Variants in CUBN observed in about 807,000 individuals in gnomAD.
The protein encoded by CUBN is cubilin.
Under a neutral mutation model 405.3 loss-of-function variants are expected in CUBN, and 282 were observed. The observed-to-expected ratio is 0.70, with a 90% CI of 0.63 to 0.77. CUBN has a LOEUF of 0.77. CUBN is among the 30% of genes least tolerant of loss of function. The pLI, the probability that CUBN is intolerant of heterozygous loss-of-function variation, is 0.00. For missense variants in CUBN, 4,514 were observed against 4,475.2 expected, an observed-to-expected ratio of 1.01 and a Z score of -0.25; for synonymous variants, 1,684 against 1,617.0, an observed-to-expected ratio of 1.04 and a Z score of -0.99.
chr10:17,005,897 A>G (rs562352782), intron 28 of CUBN, among the ~76,000 whole-genome samples: 2 of 152,350 alleles, frequency 1.3e-5, no homozygotes, highest in South Asian at 4.1e-4. Context: ...GTTAAAATGA[A>G]GCTGAATGGA....
chr10:16,903,578 A>G (rs1035953228), intron 51 of CUBN, among the ~76,000 whole-genome samples: 2 of 150,274 alleles, frequency 1.3e-5, no homozygotes, highest in East Asian at 3.9e-4. Flanking sequence ...AGTTACATGT[A>G]TGCAAAATTA....
intron 13 of CUBN, among the ~76,000 whole-genome samples, chr10:17,102,848 C>G (rs1385584782): frequency 6.6e-6 from 1 of 151,836 alleles, no homozygotes; most frequent in East Asian, 1.9e-4. Flanking sequence ...GAACTCCTGA[C>G]CTCAGGTGAT....
At position 17,053,979 on chromosome 10, in the gene CUBN, G is replaced by C. The variant is rs551428632; in HGVS notation, c.3140-6376C>G. Among the ~76,000 whole-genome samples the C allele has an allele frequency of 6.8e-4, 103 of 152,094 alleles. 1 individual carries two copies. Among genetic ancestry groups the C allele is most frequent in the Non-Finnish European group, 1.3e-3 (86 of 67,962 alleles). Reference sequence around the variant, plus strand: ...TGCAAATAATCCATAGAACAAAGAAGAAATCACAAGATAATTGGAAAATAT... The same window carrying C: ...TGCAAATAATCCATAGAACAAAGAACAAATCACAAGATAATTGGAAAATAT... On this transcript the variant is annotated intron_variant, in intron 22 of 66. Transcript: ENST00000377833.
chr10:17,099,816 C>T (rs1347565088), intron 14 of CUBN, among the ~76,000 whole-genome samples, 189 bp downstream of exon 14: 1 of 151,890 alleles, frequency 6.6e-6, no homozygotes, highest in East Asian at 1.9e-4. Flanking sequence ...CAGGCCACTG[C>T]ACTCCAGCCT....
At chr10:16,937,416 G>A (rs529243395) in intron 39 of CUBN, among the ~76,000 whole-genome samples, 176 bp downstream of exon 39, 13 of 152,138 alleles carry the variant, frequency 8.5e-5, no homozygotes, top group East Asian at 1.9e-4. Flanking sequence ...AGAAAGAAAC[G>A]TACAATTTCT....
intron 35 of CUBN, among the ~76,000 whole-genome samples, 156 bp from the exon 36 acceptor site, chr10:16,947,523 G>A (rs1245731665): frequency 6.6e-6 from 1 of 152,172 alleles, no homozygotes; most frequent in African/African-American, 2.4e-5. Flanking sequence ...TAAAATAAGG[G>A]AACAATTCTG....
intron 22 of CUBN, among the ~76,000 whole-genome samples, chr10:17,061,917 C>G (rs1445269922): frequency 6.6e-6 from 1 of 152,178 alleles, no homozygotes; most frequent in Non-Finnish European, 1.5e-5. Context: ...TTTAGTCTGA[C>G]TTTCAAACCA....
Position 16,866,197 on chromosome 10 carries a change from C to A in CUBN, c.9454+3439G>T, listed in dbSNP as rs547904763. ...ATCATTTTAGAAAAAAAAAATGAAA[C>A]AATGATGCTACTGCACAGTAAATAA... On this transcript the variant is annotated intron_variant, in intron 59 of 66. Transcript: ENST00000377833. Among the ~76,000 whole-genome samples the A allele has an allele frequency of 1.1e-4, 16 of 152,030 alleles. No individual in the cohort carries two copies. The East Asian group carries it at 3.1e-3, about 29-fold the overall frequency.
intron 10 of CUBN, among the ~76,000 whole-genome samples, chr10:17,105,875 C>G (rs1836618066): frequency 6.6e-6 from 1 of 152,202 alleles, no homozygotes; most frequent in Admixed American, 6.5e-5. Flanking sequence ...TGAGCTGCAC[C>G]TGGGGAAGAC....
chr10:16,942,524 A>G (rs1377485824), intron 36 of CUBN, among the ~76,000 whole-genome samples: 1 of 152,194 alleles, frequency 6.6e-6, no homozygotes. Context: ...TCAAAACCAC[A>G]AAGAGATAAC....
At chr10:16,905,945 T>C (rs1454724507) in intron 50 of CUBN, among the ~76,000 whole-genome samples, 1 of 152,072 alleles carries the variant, frequency 6.6e-6, no homozygotes, top group East Asian at 1.9e-4. Flanking sequence ...AGACCCCATC[T>C]CTACAAAAAA....
At chr10:17,048,663 A>G (rs1835192972) in intron 22 of CUBN, among the ~76,000 whole-genome samples, 1 of 152,150 alleles carries the variant, frequency 6.6e-6, no homozygotes, top group South Asian at 2.1e-4. Flanking sequence ...TTTTTAATGT[A>G]TTTCCAATTG....
rs953015444 is a variant in CUBN at position 16,928,394 on chromosome 10, T to C, written c.6125-91A>G. ...GCTTAGCCAAAGCAGCTCACACATTTTTCTCAGAACATCAGGACTCGTAGG... is the reference window on the plus strand; with the variant it reads ...GCTTAGCCAAAGCAGCTCACACATTCTTCTCAGAACATCAGGACTCGTAGG... On this transcript the variant is annotated intron_variant, in intron 40 of 66. Coordinates refer to ENST00000377833, the MANE Select transcript of CUBN (RefSeq NM_001081.4). 2.8e-6 allele frequency: 4 copies of C among 1,418,252 alleles called. No individual in the cohort carries two copies. The African/African-American group carries it at 5.6e-5, about 20-fold the overall frequency. The allele number at this position is 1,418,252 out of a possible 1,614,324, so 87.9% of individuals were successfully genotyped here.
At chr10:16,862,994 A>G (rs1163011976) in intron 59 of CUBN, among the ~76,000 whole-genome samples, 2 of 152,204 alleles carry the variant, frequency 1.3e-5, no homozygotes, top group African/African-American at 2.4e-5. Flanking sequence ...GTGGCAATCT[A>G]GTCATTGGTG....
At chr10:16,962,004 G>A (rs1453800705) in intron 31 of CUBN, among the ~76,000 whole-genome samples, 5 of 152,044 alleles carry the variant, frequency 3.3e-5, no homozygotes, top group African/African-American at 1.2e-4. Context: ...GAGCCATGGC[G>A]CCCGGCCGGA....
rs1841584381 is a variant in CUBN, at chr10:16,907,456, A to T, written c.7705+52T>A. 4.4e-6 allele frequency: 7 copies of T among 1,579,210 alleles called. No homozygotes were observed. In the Admixed American group the frequency reaches 6.7e-5, roughly 15 times the overall value. On this transcript the variant is annotated intron_variant, in intron 49 of 66. Coordinates refer to ENST00000377833, the MANE Select transcript of CUBN (RefSeq NM_001081.4). ...GCTGCCATTGGCAGTAGATGGGGGC[A>T]TCTGCAGTGCCCCTGATTAAAATGG...
chr10:17,089,405 T>C (rs1836201476), intron 14 of CUBN, among the ~76,000 whole-genome samples: 1 of 152,172 alleles, frequency 6.6e-6, no homozygotes, highest in Non-Finnish European at 1.5e-5. Flanking sequence ...AAAGAGTTAT[T>C]ATCCTAAAAT....
In CUBN at chr10:17,019,896, G is replaced by A. The variant is rs1382745510; in HGVS notation, c.4105C>T (p.Leu1369=). ...GSTTSSKLQV[L]LLTDGVGRRE... ...CGGCCAACCCCATCTGTAAGGAGCA[G>A]CACTTGAAGCTTGGAGCTTGTAGTA... Residue 1369 remains leucine, a synonymous_variant, in exon 28 of 67, where the codon CTG becomes TTG. Coordinates refer to ENST00000377833, the MANE Select transcript of CUBN (RefSeq NM_001081.4). 1 of 1,614,154 alleles carries A rather than the reference G, an allele frequency of 6.2e-7. No individual in the cohort carries two copies. The highest frequency in any genetic ancestry group is 1.7e-5 in the Admixed American group (1 of 60,020).
chr10:16,851,246 C>G lies in CUBN; in HGVS notation c.9652G>C (p.Asp3218His). The G allele has an allele frequency of 6.2e-7, 1 of 1,612,162 alleles. No individual in the cohort carries two copies. The highest frequency in any genetic ancestry group is 1.3e-5 in the African/African-American group (1 of 75,002). Residue 3218 changes from aspartate (D) to histidine (H), a missense_variant, in exon 60 of 67, where the codon GAT (aspartate) becomes CAT (histidine). This residue lies in a region of CUBN where 1,186 missense variants were observed against 1,186.9 expected (regional missense o/e 1.00). Transcript: ENST00000377833. ...TAAAACAGCCTTACCTTTACATAAT[C>G]ATAAAGGCATCTTTGCCTAGTACTT... ...AASTRQRCLY[D>H]YVKLYDGDSE...
Sources: gnomAD v4.1 joint callset for allele counts (sites outside exome capture counted in the v4.1 genomes callset) on GRCh38, gnomAD v4.1.1 for gene constraint, gnomAD v4.1.1 regional missense constraint, MANE v1.5 for transcripts, NCBI Gene and HGNC (gene_info 2026-07-23, HGNC 2026-07-21) for gene names.